The following CSDE1 variants were observed in gnomAD, a reference collection of about 807,000 sequenced individuals.
The protein encoded by CSDE1 is cold shock domain-containing protein E1.
Under a neutral mutation model 89.3 loss-of-function variants are expected in CSDE1, and 17 were observed. The observed-to-expected ratio is 0.19, with a 90% CI of 0.13 to 0.29. The LOEUF is 0.29. Ranked by LOEUF, CSDE1 falls within the 10% of genes least tolerant of loss-of-function variation. The probability of loss-of-function intolerance (pLI) is 1.00; values close to 1 mark genes in which losing one functional copy is unlikely to be tolerated. For missense variants in CSDE1, 672 were observed against 984.2 expected, an observed-to-expected ratio of 0.68 and a Z score of 4.24; for synonymous variants, 322 against 332.8, an observed-to-expected ratio of 0.97 and a Z score of 0.35.
chr1:114,733,450 C>T (rs775278599), intron 9 of CSDE1, among the ~76,000 whole-genome samples: 1 of 149,470 alleles, frequency 6.7e-6, no homozygotes, highest in African/African-American at 2.5e-5. Context: ...CGCTTAAACC[C>T]GGGAGGCGGA....
chr1:114,723,812 T>G, intron 16 of CSDE1, 71 bp downstream of exon 16: 1 of 1,600,322 alleles, frequency 6.2e-7, no homozygotes, highest in Non-Finnish European at 8.6e-7. Flanking sequence ...AAGCACCATA[T>G]TTTAAAACTT....
intron 2 of CSDE1, chr1:114,741,467 C>A: frequency 7.0e-7 from 1 of 1,433,728 alleles, no homozygotes; most frequent in Non-Finnish European, 9.3e-7. Flanking sequence ...GAGTGGCAAT[C>A]CTAGGTCATG....
At chr1:114,740,800 A>G (rs2101059668) in intron 2 of CSDE1, among the ~76,000 whole-genome samples, 1 of 152,332 alleles carries the variant, frequency 6.6e-6, no homozygotes, top group Non-Finnish European at 1.5e-5. Context: ...TAGGTCTATA[A>G]TTTACCACAG....
At chr1:114,718,981 T>G in intron 18 of CSDE1, 1 of 502,984 alleles carries the variant, frequency 2.0e-6, no homozygotes, top group Non-Finnish European at 3.5e-6. Context: ...ACCCTAGACT[T>G]GAATGCAATC....
chr1:114,741,424 G>C (rs1660720460), intron 2 of CSDE1: 1 of 1,104,416 alleles, frequency 9.1e-7, no homozygotes, highest in African/African-American at 1.6e-5. Context: ...CGGGAAGTTA[G>C]AAGGTGAGTC....
At position 114,733,913 on chromosome 1, in the gene CSDE1, A is replaced by G. The variant is rs916214730; in HGVS notation, c.712-56T>C. The G allele has an allele frequency of 3.7e-6, 6 of 1,607,554 alleles. No individual in the cohort carries two copies. The South Asian group carries it at 5.6e-5, about 15-fold the overall frequency. On this transcript the variant is annotated intron_variant, in intron 8 of 19. Coordinates refer to ENST00000358528, the MANE Select transcript of CSDE1 (RefSeq NM_001007553.3). ...GGACAGAGGAAGGAAGAATCACATA[A>G]TTTTAAGTGTTTCTTAAAAACATAA...
At chr1:114,729,011 A>T (rs1159568904) in intron 12 of CSDE1, among the ~76,000 whole-genome samples, 1 of 152,148 alleles carries the variant, frequency 6.6e-6, no homozygotes, top group Admixed American at 6.5e-5. Context: ...CATCCCATCT[A>T]GGCTTCATAT....
chr1:114,743,957 C>CT (rs1439643386), intron 2 of CSDE1, among the ~76,000 whole-genome samples: 3 of 152,220 alleles, frequency 2.0e-5, no homozygotes, highest in African/African-American at 4.8e-5. Context: ...CATGTTAATA[C>CT]TTTTCAAAGA....
chr1:114,751,706 A>C (rs986828118), intron 1 of CSDE1, among the ~76,000 whole-genome samples: 1 of 151,640 alleles, frequency 6.6e-6, no homozygotes, highest in African/African-American at 2.4e-5. Flanking sequence ...AAAAAAAAAA[A>C]CAAAAACAAA....
chr1:114,730,418 A>C lies in CSDE1; in HGVS notation c.1196T>G (p.Met399Arg). The change falls in exon 12 of 20, where the codon ATG becomes AGG. Residue 399 changes from methionine to arginine, a missense_variant. Met to Arg is a moderately conservative substitution (Grantham distance 91). This residue lies in a region of CSDE1 where 169 missense variants were observed against 262.9 expected (regional missense o/e 0.64). Coordinates refer to ENST00000358528, the MANE Select transcript of CSDE1 (RefSeq NM_001007553.3). The stretch of plus-strand genomic sequence containing the variant: ...AGCATGATTTCTTTGAGCAGAGAGC[A>C]TATCCTAAAAATGATAAAACAAAAT... ...DEVEFTVVPD[M>R]LSAQRNHAIR... 1.2e-6 allele frequency: 2 copies of C among 1,612,762 alleles called. No homozygotes were observed. The highest frequency in any genetic ancestry group is 1.7e-6 in the Non-Finnish European group (2 of 1,179,666).
intron 19 of CSDE1, 53 bp downstream of exon 19, chr1:114,718,560 A>AT: frequency 6.3e-7 from 1 of 1,583,474 alleles, no homozygotes. Context: ...AGGACCACAT[A>AT]TTTTATGTTG....
chr1:114,718,463 T>TA, intron 19 of CSDE1, 150 bp downstream of exon 19: 1 of 1,136,110 alleles, frequency 8.8e-7, no homozygotes, highest in South Asian at 1.6e-5. Context: ...GTTAGGGGGC[T>TA]GAACCAATGT....
intron 6 of CSDE1, among the ~76,000 whole-genome samples, chr1:114,734,998 C>T (rs527866851): frequency 1.1e-4 from 16 of 152,286 alleles, no homozygotes; most frequent in Middle Eastern, 3.4e-3. Flanking sequence ...TCTCTATTTT[C>T]AGTGAGTGCT....
At chr1:114,730,237 T>A in intron 12 of CSDE1, 21 bp downstream of exon 12, 1 of 1,608,424 alleles carries the variant, frequency 6.2e-7, no homozygotes, top group Non-Finnish European at 8.5e-7. Context: ...ACAAAAATCA[T>A]TTGGATTATG....
At chr1:114,745,027 T>TA (rs146171171) in intron 2 of CSDE1, among the ~76,000 whole-genome samples, 2,709 of 152,066 alleles carry the variant, frequency 0.018, 159 homozygotes, top group East Asian at 0.14. Flanking sequence ...ATTTTTGCAA[T>TA]AAAAAATCCA....
chr1:114,734,209 T>A, intron 7 of CSDE1, 92 bp from the exon 8 acceptor site: 1 of 1,383,464 alleles, frequency 7.2e-7, no homozygotes, highest in South Asian at 1.4e-5. Context: ...AAAATTATAC[T>A]GTAGTCACAA....
At chr1:114,752,993 CCA>C (rs1355243772) in intron 1 of CSDE1, among the ~76,000 whole-genome samples, 2 of 152,164 alleles carry the variant, frequency 1.3e-5, no homozygotes, top group African/African-American at 4.8e-5. Flanking sequence ...CAAAAGGACG[CCA>C]CAATTCAAGT....
chr1:114,719,615 G>C lies in CSDE1; in HGVS notation c.2180C>G (p.Thr727Ser). 6.2e-7 allele frequency: 1 copy of C among 1,614,002 alleles called. No homozygotes were observed. Among genetic ancestry groups the C allele is most frequent in the Non-Finnish European group, 8.5e-7 (1 of 1,179,894 alleles). The change falls in exon 18 of 20, where the codon ACT becomes AGT. Residue 727 changes from threonine (T) to serine (S), a missense_variant. Physicochemically the swap from Thr to Ser is moderately conservative, Grantham distance 58 (BLOSUM62 1). Coordinates refer to ENST00000358528, the MANE Select transcript of CSDE1 (RefSeq NM_001007553.3). ...AACATTACAGGCGCTGCACTTGCCAGTGCGCTGATTAAGAATCACTGAGAA... is the reference window on the plus strand; with the variant it reads ...AACATTACAGGCGCTGCACTTGCCACTGCGCTGATTAAGAATCACTGAGAA... ...VEFSVILNQR[T>S]GKCSACNVWR...
intron 3 of CSDE1, among the ~76,000 whole-genome samples, chr1:114,739,357 C>T (rs1660595749): frequency 6.6e-6 from 1 of 152,154 alleles, no homozygotes; most frequent in South Asian, 2.1e-4. Flanking sequence ...CTAAGGATTA[C>T]TTTTTTCAGG....
Sources: allele counts gnomAD v4.1 joint callset (sites outside exome capture counted in the v4.1 genomes callset), GRCh38; gene constraint gnomAD v4.1.1; regional missense constraint gnomAD v4.1.1; transcripts MANE v1.5; gene names NCBI Gene and HGNC (gene_info 2026-07-23, HGNC 2026-07-21).